COL6A2: variants seen among roughly 807,000 people sequenced by gnomAD.
The protein encoded by COL6A2 is collagen alpha-2(VI) chain.
COL6A2 carries 90 observed loss-of-function variants against 124.9 expected under a neutral mutation model. The ratio of observed to expected loss-of-function variants is 0.72; its 90% CI spans 0.61 to 0.86. The LOEUF (loss-of-function observed/expected upper bound fraction) is 0.86. Among genes scored for constraint, COL6A2 ranks in the 40% least tolerant of loss-of-function variants. COL6A2 has a pLI of 0.00. For missense variants in COL6A2, 1,607 were observed against 1,502.5 expected (o/e 1.07, Z -1.15); for synonymous variants, 793 against 618.2 (o/e 1.28, Z -4.19).
In COL6A2 at chr21:46,132,170, C is replaced by G; in HGVS notation, c.2678C>G (p.Pro893Arg). The change falls in exon 28 of 28, where the codon CCG (proline) becomes CGG (arginine). Residue 893 changes from proline (P) to arginine (R), a missense_variant. Physicochemically the swap from Pro to Arg is moderately radical, Grantham distance 103. This residue lies in a region of COL6A2 where 1,223 missense variants were observed against 1,052.2 expected (regional missense o/e 1.16). Transcript: ENST00000300527. ...GGPGEQQVAF[P>R]LSHNLTAIHE... is the part of the protein sequence containing the mutation. The stretch of plus-strand genomic sequence containing the variant: ...CCCGGCGAGCAGCAGGTGGCCTTCC[C>G]GCTGAGCCACAACCTCACGGCCATC... 1 of 1,570,290 alleles carries G rather than the reference C, an allele frequency of 6.4e-7. No homozygotes were observed. Among genetic ancestry groups the G allele is most frequent in the Non-Finnish European group, 8.6e-7 (1 of 1,159,172 alleles).
At chr21:46,117,064 G>C (rs1312619627) in intron 10 of COL6A2, among the ~76,000 whole-genome samples, 5 of 152,186 alleles carry the variant, frequency 3.3e-5, no homozygotes, top group African/African-American at 9.7e-5. Flanking sequence ...GCTGCACACA[G>C]AGGCCAGCAA....
Position 46,122,294 on chromosome 21 carries a change from G to T in COL6A2, c.1572+136G>T. On this transcript the variant is annotated intron_variant, in intron 19 of 27. Transcript: ENST00000300527. Reference sequence around the variant, plus strand: ...GAGGTCCCTCCTGCGGGACAGAGTGGTGAGAAGGCTTCGGGTGACTCAGTG... The same window carrying T: ...GAGGTCCCTCCTGCGGGACAGAGTGTTGAGAAGGCTTCGGGTGACTCAGTG... 2.4e-6 allele frequency: 3 copies of T among 1,242,358 alleles called. No homozygotes were observed. The South Asian group carries it at 3.8e-5, about 16-fold the overall frequency. The allele number at this position is 1,242,358 out of a possible 1,614,324, so 77.0% of individuals were successfully genotyped here. A position where few individuals can be genotyped will look rare whatever the true frequency, so the allele number is the denominator to read the frequency against.
chr21:46,120,489 G>A (rs1049685482), intron 15 of COL6A2, 26 bp from the exon 16 acceptor site: 27 of 1,528,078 alleles, frequency 1.8e-5, no homozygotes, highest in South Asian at 4.9e-5. Context: ...GCTGAGACCC[G>A]TGGGGCCTCC....
In COL6A2 at chr21:46,125,769, C is replaced by T. The variant is rs370331777; in HGVS notation, c.1970-16C>T. 34 of 1,610,372 alleles carry T rather than the reference C, an allele frequency of 2.1e-5. No individual in the cohort carries two copies. The highest frequency in any genetic ancestry group is 1.3e-4 in the Admixed American group (8 of 59,928). On this transcript the variant is annotated splice_polypyrimidine_tract_variant and intron_variant, in intron 25 of 27. Coordinates refer to ENST00000300527, the MANE Select transcript of COL6A2 (RefSeq NM_001849.4). ...CCCGAGGCCTCTGGCAACGACCTCA[C>T]GCGTGCGGCTTGCAGGGACGCGTGT...
intron 14 of COL6A2, among the ~76,000 whole-genome samples, chr21:46,119,585 G>A (rs1034623381): frequency 2.6e-5 from 4 of 152,224 alleles, no homozygotes; most frequent in East Asian, 1.9e-4. Flanking sequence ...CGGGACCGAC[G>A]CAGCAGAGGG....
Position 46,116,629 on chromosome 21 carries a change from C to T in COL6A2, c.928-22C>T, listed in dbSNP as rs757551266. On this transcript the variant is annotated intron_variant, in intron 8 of 27. Transcript: ENST00000300527. This position sits in a 1 kb window ranked among gnomAD's most constrained non-coding sequence, Gnocchi z 4.6. ...ATGCTTTGAGGCACCGAGCTCACTGCGCCGGCTTTCCTCCTACACAGGGTG... is the reference window on the plus strand; with the variant it reads ...ATGCTTTGAGGCACCGAGCTCACTGTGCCGGCTTTCCTCCTACACAGGGTG... 8.7e-6 allele frequency: 14 copies of T among 1,612,838 alleles called. No individual in the cohort carries two copies. Among genetic ancestry groups the T allele is most frequent in the Admixed American group, 5.0e-5 (3 of 60,004 alleles).
At chr21:46,122,284 G>A (rs1245919576) in intron 19 of COL6A2, 126 bp downstream of exon 19, 1 of 1,265,868 alleles carries the variant, frequency 7.9e-7, no homozygotes, top group Non-Finnish European at 1.1e-6. Context: ...CCCTCCTGCG[G>A]GACAGAGTGG....
chr21:46,121,223 A>C, intron 17 of COL6A2, 100 bp downstream of exon 17: 1 of 1,210,346 alleles, frequency 8.3e-7, no homozygotes, highest in South Asian at 1.2e-5. Flanking sequence ...CCCCATAGCA[A>C]ACCCAGGCAG....
intron 27 of COL6A2, chr21:46,128,815 C>A: frequency 9.3e-7 from 1 of 1,069,628 alleles, no homozygotes. Flanking sequence ...CTTTCTCAGG[C>A]GGGCTCTTGA....
Position 46,116,915 on chromosome 21 carries a change from G to T in COL6A2, c.999+101G>T. The T allele has an allele frequency of 3.0e-6, 3 of 1,004,938 alleles. No homozygotes were observed. Among genetic ancestry groups the T allele is most frequent in the South Asian group, 2.7e-5 (2 of 74,576 alleles). 62.3% of individuals were successfully genotyped at this position (1,004,938 alleles called of 1,614,324 possible). On this transcript the variant is annotated intron_variant, in intron 10 of 27. Coordinates refer to ENST00000300527, the MANE Select transcript of COL6A2 (RefSeq NM_001849.4). This position sits in a 1 kb window ranked among gnomAD's most constrained non-coding sequence, Gnocchi z 4.6. ...GCCTGATCTGTCAGCTTACACATGTGTACACACGCATACACACACACACAC... is the reference window on the plus strand; with the variant it reads ...GCCTGATCTGTCAGCTTACACATGTTTACACACGCATACACACACACACAC...
chr21:46,117,784 C>T (rs563995432), intron 11 of COL6A2, 90 bp from the exon 12 acceptor site: 25 of 1,367,206 alleles, frequency 1.8e-5, no homozygotes, highest in African/African-American at 1.4e-4. Context: ...AGGTGCGTCC[C>T]GGGCTGGGAC....
In COL6A2 at chr21:46,117,933, C is replaced by T; in HGVS notation, c.1113C>T (p.Gly371=). 4 of 1,612,280 alleles carry T rather than the reference C, an allele frequency of 2.5e-6. No homozygotes were observed. The highest frequency in any genetic ancestry group is 3.4e-6 in the Non-Finnish European group (4 of 1,179,472). The part of the protein sequence containing the change: ...GSPGERGDQG[G]KGDPGRPGRR... ...CAGGGGAGCGAGGAGACCAAGGCGG[C>T]AAGGTAAGTGGCCTTGTCAGGGTAC... Residue 371 remains glycine, a synonymous_variant, in exon 12 of 28, where the codon GGC becomes GGT. Coordinates refer to ENST00000300527, the MANE Select transcript of COL6A2 (RefSeq NM_001849.4).
intron 1 of COL6A2, among the ~76,000 whole-genome samples, chr21:46,108,693 G>A (rs1181125407): frequency 6.6e-6 from 1 of 152,168 alleles, no homozygotes; most frequent in Non-Finnish European, 1.5e-5. Context: ...ATTCCCTAGT[G>A]TTTGTGGCAA....
chr21:46,108,012 A>G (rs957465056), intron 1 of COL6A2, among the ~76,000 whole-genome samples: 2 of 151,916 alleles, frequency 1.3e-5, no homozygotes, highest in African/African-American at 4.8e-5. Flanking sequence ...TTCATCAATG[A>G]TATATTTTTC....
intron 16 of COL6A2, among the ~76,000 whole-genome samples, chr21:46,120,790 G>C (rs1336078148): frequency 1.3e-5 from 2 of 151,624 alleles, no homozygotes; most frequent in Non-Finnish European, 3.0e-5. Flanking sequence ...ACCAAGGCAA[G>C]GGCTGCACCC....
chr21:46,121,116 G>T lies in COL6A2; in HGVS notation c.1451G>T (p.Gly484Val). The T allele has an allele frequency of 6.2e-7, 1 of 1,612,768 alleles. No homozygotes were observed. The highest frequency in any genetic ancestry group is 1.3e-5 in the African/African-American group (1 of 75,020). ...RGPQGALGEP[G>V]KQGSRGDPGD... ...CCCCAGGGAGCTCTTGGGGAGCCCG[G>T]AAAGCAGGTCAGTGTCAGTGCAGGA... The change falls in exon 17 of 28, where the codon GGA becomes GTA. Residue 484 changes from glycine to valine, a missense_variant. Physicochemically the swap from Gly to Val is moderately radical, Grantham distance 109. Coordinates refer to ENST00000300527, the MANE Select transcript of COL6A2 (RefSeq NM_001849.4).
intron 1 of COL6A2, among the ~76,000 whole-genome samples, chr21:46,106,046 C>T (rs1263367765): frequency 6.6e-6 from 1 of 152,046 alleles, no homozygotes; most frequent in East Asian, 1.9e-4. Context: ...CAATGACATG[C>T]CACACAAATA....
In COL6A2 at chr21:46,116,487, T is replaced by G. The variant is rs955506650; in HGVS notation, c.927+84T>G. 1.0e-5 allele frequency: 16 copies of G among 1,590,066 alleles called. No homozygotes were observed. Among genetic ancestry groups the G allele is most frequent in the Non-Finnish European group, 1.4e-5 (16 of 1,161,718 alleles). Reference sequence around the variant, plus strand: ...CTTGGCGTCCGCCGCAGCCTGTCACTGCTCCTGGGGCACCGGCCTGGTCTT... The same window carrying G: ...CTTGGCGTCCGCCGCAGCCTGTCACGGCTCCTGGGGCACCGGCCTGGTCTT... On this transcript the variant is annotated intron_variant, in intron 8 of 27. Transcript: ENST00000300527. This position sits in a 1 kb window ranked among gnomAD's most constrained non-coding sequence, Gnocchi z 4.6.
chr21:46,124,662 T>C lies in COL6A2; in HGVS notation c.1683T>C (p.Gly561=), dbSNP rs564536740. ...KGEKGEPADP[G]PPGEPGPRGP... ...TTGTTCCTTCTCAGGCGGATCCTGGTCCCCCTGGTGAGCCAGGCCCTCGGG... is the reference window on the plus strand; with the variant it reads ...TTGTTCCTTCTCAGGCGGATCCTGGCCCCCCTGGTGAGCCAGGCCCTCGGG... The change falls in exon 22 of 28, where the codon GGT becomes GGC. Residue 561 remains glycine (G), a synonymous_variant. Transcript: ENST00000300527. The C allele has an allele frequency of 3.7e-6, 6 of 1,612,744 alleles. No homozygotes were observed. In the African/African-American group the frequency reaches 6.7e-5, roughly 18 times the overall value.
Sources: allele counts gnomAD v4.1 joint callset (sites outside exome capture counted in the v4.1 genomes callset), GRCh38; gene constraint gnomAD v4.1.1; regional missense constraint gnomAD v4.1.1; non-coding constraint Gnocchi (gnomAD v3.1); transcripts MANE v1.5; gene names NCBI Gene and HGNC (gene_info 2026-07-23, HGNC 2026-07-21).